IMMP2L: variants seen among roughly 807,000 people sequenced by gnomAD.
IMMP2L encodes inner mitochondrial membrane peptidase subunit 2, also known as mitochondrial inner membrane protease subunit 2.
Under a neutral mutation model 19.3 loss-of-function variants are expected in IMMP2L, and 18 were observed. That is an observed-to-expected ratio of 0.93 (90% CI 0.64 to 1.38). The LOEUF is 1.38. Among genes scored for constraint, IMMP2L ranks in the 40% most tolerant of loss-of-function variants. The probability of loss-of-function intolerance (pLI) is 0.00; values close to 1 mark genes in which losing one functional copy is unlikely to be tolerated. For missense variants in IMMP2L, 233 were observed against 218.2 expected, an observed-to-expected ratio of 1.07 and a Z score of -0.43; for synonymous variants, 76 against 73.0, an observed-to-expected ratio of 1.04 and a Z score of -0.21.
chr7:111,513,900 G>T (rs530735193), intron 2 of IMMP2L, among the ~76,000 whole-genome samples: 13 of 152,080 alleles, frequency 8.5e-5, no homozygotes, highest in African/African-American at 2.9e-4. Flanking sequence ...GATGAACCTA[G>T]AGAACATTAT....
chr7:111,516,238 G>T (rs560529698), intron 2 of IMMP2L, among the ~76,000 whole-genome samples: 4 of 152,164 alleles, frequency 2.6e-5, no homozygotes. Context: ...CGTGACTCAG[G>T]AAGAATGTAC....
At chr7:111,499,186 T>C (rs1258564321) in intron 2 of IMMP2L, among the ~76,000 whole-genome samples, 1 of 152,058 alleles carries the variant, frequency 6.6e-6, no homozygotes, top group Non-Finnish European at 1.5e-5. Context: ...CAAGCCTCTG[T>C]TTGCGTATTT....
chr7:111,160,023 T>C (rs948818787), intron 3 of IMMP2L, among the ~76,000 whole-genome samples: 4 of 152,098 alleles, frequency 2.6e-5, no homozygotes, highest in Non-Finnish European at 5.9e-5. Context: ...ACTTACTAAA[T>C]CATATGATTC....
intron 2 of IMMP2L, among the ~76,000 whole-genome samples, chr7:111,496,267 A>G (rs759298408): frequency 3.3e-5 from 5 of 152,296 alleles, no homozygotes; most frequent in Non-Finnish European, 5.9e-5. Flanking sequence ...CTAGGTGTGC[A>G]TAATAAAATA....
In IMMP2L at chr7:111,226,980, G is replaced by T. The variant is rs555302054; in HGVS notation, c.239+260258C>A. On this transcript the variant is annotated intron_variant, in intron 3 of 5. Coordinates refer to ENST00000405709, the MANE Select transcript of IMMP2L (RefSeq NM_032549.4). ...CTGGAAATGCCAGTAAAAAGGGGAAGTGATTGGTGGATTCATATCCCTGAT... is the reference window on the plus strand; with the variant it reads ...CTGGAAATGCCAGTAAAAAGGGGAATTGATTGGTGGATTCATATCCCTGAT... 2.0e-4 allele frequency among the ~76,000 whole-genome samples: 31 copies of T among 152,252 alleles called. 1 individual carries two copies. The South Asian group carries it at 6.0e-3, about 29-fold the overall frequency.
chr7:111,087,858 C>A (rs902518880), intron 3 of IMMP2L, among the ~76,000 whole-genome samples: 1 of 152,104 alleles, frequency 6.6e-6, no homozygotes, highest in Non-Finnish European at 1.5e-5. Context: ...GTAATAATGT[C>A]AAACATTTGT....
chr7:110,680,559 T>C (rs1438845846), intron 5 of IMMP2L, among the ~76,000 whole-genome samples: 2 of 152,144 alleles, frequency 1.3e-5, no homozygotes, highest in East Asian at 3.9e-4. Context: ...TAGCATGTGC[T>C]TGAAGTTTTA....
chr7:111,322,425 T>A (rs999445023), intron 3 of IMMP2L, among the ~76,000 whole-genome samples: 1 of 151,876 alleles, frequency 6.6e-6, no homozygotes, highest in Non-Finnish European at 1.5e-5. Flanking sequence ...TACTGAATTG[T>A]ACAGACAGAA....
intron 3 of IMMP2L, among the ~76,000 whole-genome samples, chr7:111,014,436 A>T (rs2129564305): frequency 6.6e-6 from 1 of 152,238 alleles, no homozygotes; most frequent in Middle Eastern, 3.4e-3. Flanking sequence ...TTACATTTTA[A>T]ATGCAAATAT....
chr7:111,123,057 T>C lies in IMMP2L; in HGVS notation c.240-159492A>G, dbSNP rs151294396. On this transcript the variant is annotated intron_variant, in intron 3 of 5. Coordinates refer to ENST00000405709, the MANE Select transcript of IMMP2L (RefSeq NM_032549.4). The surrounding 1 kb of genome is among the most constrained non-coding windows in gnomAD (Gnocchi z 6.4). ...CCACAGACTTTCCAGTAAACCTTAC[T>C]GGCCTGGATTTATCTCAAAACAATT... is the stretch of plus-strand genomic sequence containing the variant. 8.4e-5 allele frequency: 135 copies of C among 1,613,792 alleles called. No individual in the cohort carries two copies. The highest frequency in any genetic ancestry group is 1.1e-4 in the Non-Finnish European group (134 of 1,179,954).
intron 5 of IMMP2L, among the ~76,000 whole-genome samples, chr7:110,666,376 G>A (rs1791456684): frequency 6.6e-6 from 1 of 152,080 alleles, no homozygotes; most frequent in Non-Finnish European, 1.5e-5. Context: ...CTGGGGTCAC[G>A]CCATTCTCCT....
chr7:111,106,501 A>G (rs749513724), intron 3 of IMMP2L, among the ~76,000 whole-genome samples: 4 of 151,816 alleles, frequency 2.6e-5, no homozygotes, highest in Non-Finnish European at 5.9e-5. Context: ...TATGTCTTCT[A>G]CCATCACCAT....
chr7:111,009,357 C>T (rs1010434700), intron 3 of IMMP2L, among the ~76,000 whole-genome samples: 1 of 152,048 alleles, frequency 6.6e-6, no homozygotes, highest in African/African-American at 2.4e-5. Context: ...CAGTTCAGAA[C>T]ATATATGCAT....
intron 5 of IMMP2L, among the ~76,000 whole-genome samples, chr7:110,822,999 T>C (rs1803168586): frequency 6.6e-6 from 1 of 152,076 alleles, no homozygotes; most frequent in Admixed American, 6.6e-5. Context: ...CCGTGTGTTG[T>C]TTGGCTCACT....
chr7:111,449,114 G>A (rs1425279568), intron 3 of IMMP2L, among the ~76,000 whole-genome samples: 23 of 149,330 alleles, frequency 1.5e-4, no homozygotes, highest in South Asian at 8.5e-4. Context: ...ATTCACAGCC[G>A]AATTCTACCA....
intron 3 of IMMP2L, among the ~76,000 whole-genome samples, chr7:111,203,971 A>G (rs1810434626): frequency 6.6e-6 from 1 of 152,152 alleles, no homozygotes; most frequent in South Asian, 2.1e-4. Context: ...ATCTCACACT[A>G]TAGAACTGCT....
chr7:110,756,408 A>C (rs1261633342), intron 5 of IMMP2L, among the ~76,000 whole-genome samples: 1 of 152,064 alleles, frequency 6.6e-6, no homozygotes, highest in Non-Finnish European at 1.5e-5. Context: ...AAGTGATGAT[A>C]TTTAGTAGGC....
chr7:110,998,221 T>A (rs764419121), intron 3 of IMMP2L, among the ~76,000 whole-genome samples: 6 of 152,148 alleles, frequency 3.9e-5, no homozygotes, highest in Non-Finnish European at 5.9e-5. Context: ...TTGTTCCGAA[T>A]GCCTACAAAA....
intron 4 of IMMP2L, chr7:110,962,797 A>C: frequency 5.1e-6 from 6 of 1,177,556 alleles, no homozygotes; most frequent in Non-Finnish European, 6.3e-6. Flanking sequence ...TTTTTAGAAA[A>C]CAGGGTCAGA....
Sources: gnomAD v4.1 joint callset for allele counts (sites outside exome capture counted in the v4.1 genomes callset) on GRCh38, gnomAD v4.1.1 for gene constraint, Gnocchi (gnomAD v3.1) non-coding constraint, MANE v1.5 for transcripts, NCBI Gene and HGNC (gene_info 2026-07-23, HGNC 2026-07-21) for gene names.